The following TUT4 variants were observed in gnomAD, a reference collection of about 807,000 sequenced individuals.
TUT4 encodes terminal uridylyltransferase 4.
Under a neutral mutation model 192.2 loss-of-function variants are expected in TUT4, and 36 were observed. The ratio of observed to expected loss-of-function variants is 0.19; its 90% CI spans 0.14 to 0.25. TUT4 has a LOEUF of 0.25. Ranked by LOEUF, TUT4 falls within the 10% of genes least tolerant of loss-of-function variation. The pLI, the probability that TUT4 is intolerant of heterozygous loss-of-function variation, is 1.00. For missense variants in TUT4, 1,493 were observed against 1,957.2 expected (o/e 0.76, Z 4.47); for synonymous variants, 618 against 666.0 (o/e 0.93, Z 1.11).
intron 4 of TUT4, among the ~76,000 whole-genome samples, chr1:52,506,159 G>T (rs1159202613): frequency 4.6e-5 from 7 of 152,068 alleles, no homozygotes; most frequent in Admixed American, 4.6e-4. Context: ...TGCACTCCTG[G>T]AATAAAGCCC....
chr1:52,536,567 G>A (rs1684951389), intron 1 of TUT4, among the ~76,000 whole-genome samples: 2 of 152,164 alleles, frequency 1.3e-5, no homozygotes, highest in African/African-American at 4.8e-5. Context: ...TAAAAAGAGA[G>A]ATTGGCCAGG....
intron 1 of TUT4, among the ~76,000 whole-genome samples, chr1:52,531,885 CTTTTTTTTTTTT>C (rs1158088077): frequency 2.0e-4 from 16 of 80,830 alleles, no homozygotes; most frequent in African/African-American, 2.9e-4. Flanking sequence ...CTTTTCTCAT[CTTTTTTTTTTTT>C]TTTTTTTTTT....
chr1:52,475,272 G>C lies in TUT4; in HGVS notation c.2287C>G (p.Pro763Ala), dbSNP rs1377189210. Residue 763 changes from proline to alanine, a missense_variant, in exon 13 of 30, where the codon CCT (proline) becomes GCT (alanine). Coordinates refer to ENST00000257177, the MANE Select transcript of TUT4 (RefSeq NM_001009881.3). ...CAGTCCATTTCATCACATTGAACAG[G>C]TTGCTCTCTTTCTGCATTTATTTTT... ...TEKINAEREQ[P>A]VQCDEMDCTS... 6.2e-7 allele frequency: 1 copy of C among 1,614,038 alleles called. No homozygotes were observed. The highest frequency in any genetic ancestry group is 8.5e-7 in the Non-Finnish European group (1 of 1,180,008).
chr1:52,491,006 C>A (rs897752677), intron 7 of TUT4, among the ~76,000 whole-genome samples: 2 of 152,096 alleles, frequency 1.3e-5, no homozygotes, highest in African/African-American at 4.8e-5. Flanking sequence ...ACAGGTACAG[C>A]CCCAAATACT....
At chr1:52,503,171 C>T (rs946962206) in intron 4 of TUT4, among the ~76,000 whole-genome samples, 5 of 152,160 alleles carry the variant, frequency 3.3e-5, no homozygotes, top group African/African-American at 1.2e-4. Flanking sequence ...TAACTCCAAC[C>T]CGTATGCTCT....
intron 14 of TUT4, among the ~76,000 whole-genome samples, chr1:52,470,341 G>A (rs559286753): frequency 9.3e-4 from 141 of 151,966 alleles, no homozygotes; most frequent in Non-Finnish European, 1.8e-3. Context: ...CCCACATTGA[G>A]GTAAATAAAT....
intron 7 of TUT4, among the ~76,000 whole-genome samples, 178 bp downstream of exon 7, chr1:52,493,433 A>C (rs1671682180): frequency 6.6e-6 from 1 of 151,968 alleles, no homozygotes; most frequent in African/African-American, 2.4e-5. Flanking sequence ...GTTACAGTTA[A>C]ATTATATTTT....
intron 12 of TUT4, among the ~76,000 whole-genome samples, chr1:52,476,665 G>GA (rs534465730): frequency 0.014 from 2,062 of 150,168 alleles, 46 homozygotes; most frequent in African/African-American, 0.047. Flanking sequence ...GGAAAAGAAA[G>GA]AAAAAAAAAG....
chr1:52,515,789 C>T, intron 3 of TUT4, 102 bp downstream of exon 3: 1 of 1,376,738 alleles, frequency 7.3e-7, no homozygotes, highest in Non-Finnish European at 1.0e-6. Flanking sequence ...ATGAATGCAA[C>T]CTCTGTCTTA....
At chr1:52,527,972 T>C (rs1400352431) in intron 1 of TUT4, among the ~76,000 whole-genome samples, 1 of 149,502 alleles carries the variant, frequency 6.7e-6, no homozygotes, top group Non-Finnish European at 1.5e-5. Context: ...AGGTCAGGAG[T>C]TCGAGACCAG....
At chr1:52,445,894 A>G (rs1657399359) in intron 23 of TUT4, 25 bp from the exon 24 acceptor site, 1 of 1,602,600 alleles carries the variant, frequency 6.2e-7, no homozygotes, top group Non-Finnish European at 8.5e-7. Context: ...AGAAAACAAT[A>G]AAGATGCAGA....
intron 27 of TUT4, chr1:52,432,392 G>C (rs1470625119): frequency 6.6e-6 from 1 of 152,168 alleles, no homozygotes; most frequent in Non-Finnish European, 1.5e-5. Flanking sequence ...AAAGTAATTG[G>C]AATCTGAAAG....
chr1:52,469,767 G>A (rs1452146396), intron 14 of TUT4, among the ~76,000 whole-genome samples: 1 of 151,910 alleles, frequency 6.6e-6, no homozygotes, highest in East Asian at 1.9e-4. Flanking sequence ...GCACGAGCCT[G>A]TAGTCCCAGC....
At chr1:52,532,558 G>A (rs1216978371) in intron 1 of TUT4, among the ~76,000 whole-genome samples, 6 of 152,128 alleles carry the variant, frequency 3.9e-5, no homozygotes, top group Non-Finnish European at 5.9e-5. Flanking sequence ...CGATCCTGCT[G>A]CCTTGGCCTA....
chr1:52,506,008 G>A (rs1214041546), intron 4 of TUT4, among the ~76,000 whole-genome samples: 6 of 151,508 alleles, frequency 4.0e-5, no homozygotes, highest in East Asian at 2.0e-4. Context: ...TAGTAGAGAC[G>A]GGGTTCACCA....
In TUT4 at chr1:52,525,780, C is replaced by T. The variant is rs1681596582; in HGVS notation, c.501G>A (p.Leu167=). The T allele has an allele frequency of 6.2e-7, 1 of 1,614,198 alleles. No individual in the cohort carries two copies. Among genetic ancestry groups the T allele is most frequent in the Non-Finnish European group, 8.5e-7 (1 of 1,180,036 alleles). The stretch of plus-strand genomic sequence containing the variant: ...CTGTCTTCTGTCTCATGTCTTTCAA[C>T]AGTAAACTGGGTCCCTTTTCTGCTT... ...PAEAEKGPSL[L]LKDMRQKTEL... Residue 167 remains leucine (L), a synonymous_variant, in exon 2 of 30, where the codon CTG becomes CTA. Transcript: ENST00000257177.
chr1:52,550,540 T>C (rs112615748), intron 1 of TUT4, among the ~76,000 whole-genome samples: 12,886 of 149,606 alleles, frequency 0.086, 1,891 homozygotes, highest in African/African-American at 0.3. Context: ...TCTTACTCTG[T>C]CGCCCAGGCT....
intron 3 of TUT4, among the ~76,000 whole-genome samples, chr1:52,514,145 A>G (rs535478900): frequency 2.0e-5 from 3 of 152,316 alleles, no homozygotes; most frequent in South Asian, 2.1e-4. Context: ...AAGTAAAGAC[A>G]TAACTAAGTA....
intron 2 of TUT4, among the ~76,000 whole-genome samples, chr1:52,517,499 T>C (rs1226560003): frequency 6.6e-6 from 1 of 152,234 alleles, no homozygotes; most frequent in African/African-American, 2.4e-5. Flanking sequence ...CAGTCAAGCC[T>C]ACCTTTTGAT....
Sources: gnomAD v4.1 joint callset for allele counts (sites outside exome capture counted in the v4.1 genomes callset) on GRCh38, gnomAD v4.1.1 for gene constraint, MANE v1.5 for transcripts, NCBI Gene and HGNC (gene_info 2026-07-23, HGNC 2026-07-21) for gene names.